MYO9B: variants seen among roughly 807,000 people sequenced by gnomAD.
The protein encoded by MYO9B is unconventional myosin-IXb.
A neutral mutation model predicts 229.5 loss-of-function variants in MYO9B; 71 were observed. The observed-to-expected ratio is 0.31, with a 90% CI of 0.26 to 0.38. MYO9B has a LOEUF of 0.38. Ranked by LOEUF, MYO9B falls within the 10% of genes least tolerant of loss-of-function variation. MYO9B has a pLI of 1.00. For synonymous variants in MYO9B, 1,185 were observed against 1,235.8 expected, an observed-to-expected ratio of 0.96 and a Z score of 0.86; for missense variants, 2,255 against 2,920.5, an observed-to-expected ratio of 0.77 and a Z score of 5.25.
chr19:17,199,901 G>A (rs2073088886), intron 24 of MYO9B, among the ~76,000 whole-genome samples: 1 of 149,600 alleles, frequency 6.7e-6, no homozygotes, highest in South Asian at 2.1e-4. Context: ...GTCTCACTCT[G>A]TCACCCAGGC....
chr19:17,077,692 T>C (rs940126641), intron 1 of MYO9B, among the ~76,000 whole-genome samples: 2 of 152,154 alleles, frequency 1.3e-5, no homozygotes, highest in Non-Finnish European at 2.9e-5. Flanking sequence ...AACCCAACTC[T>C]TCTCATCACC....
intron 8 of MYO9B, among the ~76,000 whole-genome samples, chr19:17,160,016 C>T (rs1009499298): frequency 6.6e-6 from 1 of 152,202 alleles, no homozygotes; most frequent in African/African-American, 2.4e-5. Flanking sequence ...AAGCCTGTGA[C>T]TCTAAACCTT....
At chr19:17,136,245 G>A (rs567002821) in intron 2 of MYO9B, among the ~76,000 whole-genome samples, 17 of 152,288 alleles carry the variant, frequency 1.1e-4, no homozygotes, top group African/African-American at 3.8e-4. Context: ...CAGGCACCGG[G>A]CCCCAGGCTG....
At chr19:17,207,380 C>T (rs1211538456) in intron 35 of MYO9B, 136 bp downstream of exon 35, 1 of 1,260,510 alleles carries the variant, frequency 7.9e-7, no homozygotes, top group African/African-American at 1.5e-5. Context: ...ACCTGTAATC[C>T]TAGCTACTTT....
At chr19:17,171,187 A>G (rs2072720844) in intron 11 of MYO9B, among the ~76,000 whole-genome samples, 2 of 152,124 alleles carry the variant, frequency 1.3e-5, no homozygotes, top group Non-Finnish European at 2.9e-5. Flanking sequence ...GGAGCCCCCG[A>G]TGTTGGGATC....
In MYO9B at chr19:17,210,860, A is replaced by C. The variant is rs12463169; in HGVS notation, c.5930+12A>C. 2 of 1,587,510 alleles carry C rather than the reference A, an allele frequency of 1.3e-6. No individual in the cohort carries two copies. Among genetic ancestry groups the C allele is most frequent in the Non-Finnish European group, 1.7e-6 (2 of 1,168,008 alleles). On this transcript the variant is annotated intron_variant, in intron 38 of 39. Coordinates refer to ENST00000682292, the MANE Select transcript of MYO9B (RefSeq NM_004145.4). ...ATCAAGGAGGAGAAGCAAGTGGCTCAGTCCCCTCCCTCAGTCCTTCATGTT... is the reference window on the plus strand; with the variant it reads ...ATCAAGGAGGAGAAGCAAGTGGCTCCGTCCCCTCCCTCAGTCCTTCATGTT...
Position 17,206,303 on chromosome 19 carries a change from G to A in MYO9B, c.5313G>A (p.Leu1771=). Residue 1771 remains leucine, a synonymous_variant, in exon 33 of 40, where the codon CTG becomes CTA. Transcript: ENST00000682292. ...CCATCCACGCCATCACAGGGGTGCT[G>A]AAGCAGTGGCTGCGGGAGCTGCCCG... is the stretch of plus-strand genomic sequence containing the variant. ...NFPIHAITGV[L]KQWLRELPEP... The A allele has an allele frequency of 6.2e-7, 1 of 1,607,766 alleles. No homozygotes were observed. Among genetic ancestry groups the A allele is most frequent in the Non-Finnish European group, 8.5e-7 (1 of 1,178,314 alleles).
chr19:17,202,787 G>A (rs2073121698), intron 28 of MYO9B, 55 bp from the exon 29 acceptor site: 1 of 1,536,052 alleles, frequency 6.5e-7, no homozygotes, highest in Non-Finnish European at 8.8e-7. Context: ...CCAGGGGTGG[G>A]TTGGGGCTCT....
chr19:17,120,357 G>A (rs1599343288), intron 2 of MYO9B, among the ~76,000 whole-genome samples: 1 of 152,168 alleles, frequency 6.6e-6, no homozygotes, highest in Admixed American at 6.6e-5. Flanking sequence ...CCATAAAAAG[G>A]AATGAAGGGC....
rs376360145 is a variant in MYO9B at position 17,193,041 on chromosome 19, G to A, written c.3107G>A (p.Arg1036Gln). 20 of 1,467,754 alleles carry A rather than the reference G, an allele frequency of 1.4e-5. No homozygotes were observed. The highest frequency in any genetic ancestry group is 2.8e-5 in the African/African-American group (2 of 71,506). The allele number at this position is 1,467,754 out of a possible 1,614,324, so 90.9% of individuals were successfully genotyped here. A position where few individuals can be genotyped will look rare whatever the true frequency, so the allele number is the denominator to read the frequency against. Residue 1036 changes from arginine (R) to glutamine (Q), a missense_variant, in exon 21 of 40, where the codon CGG (arginine) becomes CAG (glutamine). Physicochemically the swap from Arg to Gln is conservative, Grantham distance 43. This residue lies in a region of MYO9B where 679 missense variants were observed against 770.2 expected (regional missense o/e 0.88). Coordinates refer to ENST00000682292, the MANE Select transcript of MYO9B (RefSeq NM_004145.4). The surrounding 1 kb of genome is among the most constrained non-coding windows in gnomAD (Gnocchi z 4.3). ...QSIIRLQSLCRGHLQRKSFSQ... is the reference protein window; with the variant it reads ...QSIIRLQSLCQGHLQRKSFSQ... ...ATCATCCGCCTGCAGAGCCTGTGTC[G>A]GGGGCACCTGCAGCGCAAGAGGTGA...
chr19:17,096,105 G>C (rs112648635), intron 1 of MYO9B, among the ~76,000 whole-genome samples: 3 of 152,244 alleles, frequency 2.0e-5, no homozygotes, highest in African/African-American at 2.4e-5. Context: ...CAACAATTCT[G>C]AATTGGTTTC....
rs193222618 is a variant in MYO9B at position 17,147,295 on chromosome 19, C to T, written c.935+1804C>T. ...TGGTGGCTCACACCTATAATCCCAG[C>T]ACTTTGGGAGGCCGAGGTGGGTGGA... On this transcript the variant is annotated intron_variant, in intron 3 of 39. Transcript: ENST00000682292. 4.3e-3 allele frequency among the ~76,000 whole-genome samples: 654 copies of T among 151,994 alleles called. 6 individuals are homozygous for T. The highest frequency in any genetic ancestry group is 0.015 in the African/African-American group (621 of 41,458).
chr19:17,076,102 G>C (rs992226117), intron 1 of MYO9B, among the ~76,000 whole-genome samples: 3 of 151,392 alleles, frequency 2.0e-5, no homozygotes, highest in Non-Finnish European at 2.9e-5. Flanking sequence ...CGAGGGCGTG[G>C]GGGGGGTGAG....
At chr19:17,164,968 G>A (rs975915160) in intron 10 of MYO9B, among the ~76,000 whole-genome samples, 6 of 152,066 alleles carry the variant, frequency 3.9e-5, no homozygotes, top group African/African-American at 7.2e-5. Context: ...AGGTTTAGGC[G>A]ATCCTACCAC....
chr19:17,157,121 C>A, intron 7 of MYO9B, 83 bp downstream of exon 7: 1 of 1,487,298 alleles, frequency 6.7e-7, no homozygotes, highest in African/African-American at 1.4e-5. Context: ...ATACCCAGAA[C>A]TTCCTACGTC....
rs367932340 is a variant in MYO9B at position 17,116,519 on chromosome 19, G to A, written c.840+13962G>A. On this transcript the variant is annotated intron_variant, in intron 2 of 39. Transcript: ENST00000682292. ...ATGGCATGAGGACAGGCATCCCGGAGTCAGGCGGCTGGGAACAAGGCAGTG... is the reference window on the plus strand; with the variant it reads ...ATGGCATGAGGACAGGCATCCCGGAATCAGGCGGCTGGGAACAAGGCAGTG... Among the ~76,000 whole-genome samples, 1,048 of 152,258 alleles carry A rather than the reference G, an allele frequency of 6.9e-3. 5 individuals carry two copies. Among genetic ancestry groups the A allele is most frequent in the Non-Finnish European group, 0.012 (784 of 68,016 alleles).
intron 2 of MYO9B, chr19:17,103,856 G>A (rs2057768450): frequency 6.6e-6 from 1 of 151,992 alleles, no homozygotes; most frequent in Non-Finnish European, 1.5e-5. Context: ...AGGACTTTGA[G>A]ACCAGCCTGG....
intron 8 of MYO9B, 54 bp from the exon 9 acceptor site, chr19:17,162,296 C>G: frequency 1.4e-6 from 2 of 1,439,832 alleles, no homozygotes; most frequent in Admixed American, 4.0e-5. Flanking sequence ...CAGAGCAAGA[C>G]TCCAGCGCAG....
At position 17,102,373 on chromosome 19, in the gene MYO9B, C is replaced by G; in HGVS notation, c.656C>G (p.Ala219Gly). 1 of 1,614,012 alleles carries G rather than the reference C, an allele frequency of 6.2e-7. No individual in the cohort carries two copies. Among genetic ancestry groups the G allele is most frequent in the Non-Finnish European group, 8.5e-7 (1 of 1,179,898 alleles). Reference sequence around the variant, plus strand: ...CTGGAGCCACACGTCTTCGCGCTGGCCGACGTGGCCTACTACACCATGCTC... The same window carrying G: ...CTGGAGCCACACGTCTTCGCGCTGGGCGACGTGGCCTACTACACCATGCTC... ...GKLEPHVFAL[A>G]DVAYYTMLRK... The change falls in exon 2 of 40, where the codon GCC becomes GGC. Residue 219 changes from alanine (A) to glycine (G), a missense_variant. Ala to Gly is a moderately conservative substitution (Grantham distance 60). Transcript: ENST00000682292.
Sources: gnomAD v4.1 joint callset for allele counts (sites outside exome capture counted in the v4.1 genomes callset) on GRCh38, gnomAD v4.1.1 for gene constraint, gnomAD v4.1.1 regional missense constraint, Gnocchi (gnomAD v3.1) non-coding constraint, MANE v1.5 for transcripts, NCBI Gene and HGNC (gene_info 2026-07-23, HGNC 2026-07-21) for gene names.